NLRP12: variants seen among roughly 807,000 people sequenced by gnomAD.
The protein encoded by NLRP12 is NLR family pyrin domain containing 12.
NLRP12 carries 108 observed loss-of-function variants against 91.2 expected under a neutral mutation model. The observed-to-expected ratio is 1.18, with a 90% CI of 1.01 to 1.39. The LOEUF is 1.39. Among genes scored for constraint, NLRP12 ranks in the 40% most tolerant of loss-of-function variants. NLRP12 has a pLI of 0.00. For synonymous variants in NLRP12, 613 were observed against 566.7 expected (o/e 1.08, Z -1.16); for missense variants, 1,530 against 1,352.7 (o/e 1.13, Z -2.06).
chr19:53,798,184 G>A, intron 8 of NLRP12, 59 bp downstream of exon 8: 1 of 1,558,212 alleles, frequency 6.4e-7, no homozygotes. Flanking sequence ...TGAAGGATGA[G>A]AAGGCGCTTC....
At chr19:53,801,583 G>A (rs950285938) in intron 6 of NLRP12, among the ~76,000 whole-genome samples, 186 bp from the exon 7 acceptor site, 4 of 149,932 alleles carry the variant, frequency 2.7e-5, no homozygotes, top group African/African-American at 4.9e-5. Context: ...CTCCTGAATC[G>A]CTGGGACTAC....
intron 8 of NLRP12, among the ~76,000 whole-genome samples, 164 bp downstream of exon 8, chr19:53,798,079 A>G (rs967185132): frequency 2.6e-5 from 4 of 152,226 alleles, no homozygotes; most frequent in Non-Finnish European, 5.9e-5. Flanking sequence ...CCAAATCAGA[A>G]TAAGTTCAGA....
At chr19:53,815,090 C>T in intron 1 of NLRP12, 102 bp from the exon 2 acceptor site, 1 of 862,190 alleles carries the variant, frequency 1.2e-6, no homozygotes, top group South Asian at 1.3e-5. Context: ...ACTCCCTGGT[C>T]ACCCGCACCC....
At chr19:53,795,105 TGC>T (rs1491253691) in intron 9 of NLRP12, among the ~76,000 whole-genome samples, 7,872 of 65,902 alleles carry the variant, frequency 0.12, 298 homozygotes, top group South Asian at 0.29. Context: ...ACCTGGTGTG[TGC>T]GTGTGTGTGT....
At position 53,824,046 on chromosome 19, in the gene NLRP12, G is replaced by A. The variant is rs2092307507; in HGVS notation, c.129C>T (p.Ile43=). Residue 43 remains isoleucine (I), a synonymous_variant, in exon 1 of 10, where the codon ATC becomes ATT. Coordinates refer to ENST00000324134, the MANE Select transcript of NLRP12 (RefSeq NM_144687.4). ...GTATELGEGK[I]PWGSMEKAGP... ...CGGCCTTCTCCATGCTTCCCCAGGG[G>A]ATCTTGCCTTCTCCCAGCTCTGTCG... 1 of 1,614,046 alleles carries A rather than the reference G, an allele frequency of 6.2e-7. No individual in the cohort carries two copies.
In NLRP12 at chr19:53,824,052, G is replaced by A. The variant is rs1357909232; in HGVS notation, c.123C>T (p.Gly41=). 2.5e-6 allele frequency: 4 copies of A among 1,614,018 alleles called. No homozygotes were observed. The Admixed American group carries it at 6.7e-5, about 27-fold the overall frequency. Residue 41 remains glycine (G), a synonymous_variant, in exon 1 of 10, where the codon GGC becomes GGT. Coordinates refer to ENST00000324134, the MANE Select transcript of NLRP12 (RefSeq NM_144687.4). ...TCTCCATGCTTCCCCAGGGGATCTT[G>A]CCTTCTCCCAGCTCTGTCGCGGTCC... ...YLGTATELGE[G]KIPWGSMEKA... is the part of the protein sequence containing the mutation.
At position 53,809,289 on chromosome 19, in the gene NLRP12, T is replaced by G. The variant is rs191392992; in HGVS notation, c.2072+298A>C. Among the ~76,000 whole-genome samples the G allele has an allele frequency of 4.0e-4, 60 of 150,262 alleles. 1 individual carries two copies. The highest frequency in any genetic ancestry group is 1.4e-3 in the African/African-American group (57 of 40,942). Reference sequence around the variant, plus strand: ...GGCTCATGCCTGTAATCCCAGCACTTTGGGAGGCCAAGGCGGGCAGATCAC... The same window carrying G: ...GGCTCATGCCTGTAATCCCAGCACTGTGGGAGGCCAAGGCGGGCAGATCAC... On this transcript the variant is annotated intron_variant, in intron 3 of 9. Coordinates refer to ENST00000324134, the MANE Select transcript of NLRP12 (RefSeq NM_144687.4).
chr19:53,812,632 A>G (rs1345338779), intron 2 of NLRP12, among the ~76,000 whole-genome samples: 1 of 152,078 alleles, frequency 6.6e-6, no homozygotes, highest in Non-Finnish European at 1.5e-5. Context: ...AAATGCCAAC[A>G]GTGCCAATGT....
rs183188407 is a variant in NLRP12, at chr19:53,795,341, A to G, written c.3098+518T>C. On this transcript the variant is annotated intron_variant, in intron 9 of 9. Coordinates refer to ENST00000324134, the MANE Select transcript of NLRP12 (RefSeq NM_144687.4). ...TCGAATCACAGTGACCTCCAATGCA[A>G]TTGGTGAGCCACGATGGTCCCCTTC... 9.8e-4 allele frequency among the ~76,000 whole-genome samples: 148 copies of G among 151,790 alleles called. 1 individual carries two copies. Among genetic ancestry groups the G allele is most frequent in the Admixed American group, 2.4e-3 (37 of 15,130 alleles).
Position 53,819,715 on chromosome 19 carries a change from A to ATATG in NLRP12, c.289+4167_289+4170dup, listed in dbSNP as rs1340585879. 1.6e-4 allele frequency among the ~76,000 whole-genome samples: 23 copies of ATATG among 146,514 alleles called. 3 individuals carry two copies. Among genetic ancestry groups the ATATG allele is most frequent in the African/African-American group, 4.8e-4 (19 of 39,606 alleles). ...TATACACACACACACACGTATATAT[A>ATATG]TATGTATGTATGTATATTAAGACGG... On this transcript the variant is annotated intron_variant, in intron 1 of 9. Coordinates refer to ENST00000324134, the MANE Select transcript of NLRP12 (RefSeq NM_144687.4).
chr19:53,824,021 C>G lies in NLRP12; in HGVS notation c.154G>C (p.Gly52Arg), dbSNP rs369053968. The change falls in exon 1 of 10, where the codon GGT becomes CGT. Residue 52 changes from glycine to arginine, a missense_variant. Coordinates refer to ENST00000324134, the MANE Select transcript of NLRP12 (RefSeq NM_144687.4). ...AGCAGCTGGGCCATTTCCAGGGGAC[C>G]GGCCTTCTCCATGCTTCCCCAGGGG... is the stretch of plus-strand genomic sequence containing the variant. ...KIPWGSMEKA[G>R]PLEMAQLLIT... 1.2e-6 allele frequency: 2 copies of G among 1,614,182 alleles called. No individual in the cohort carries two copies. The highest frequency in any genetic ancestry group is 3.3e-5 in the Admixed American group (2 of 60,000).
intron 1 of NLRP12, among the ~76,000 whole-genome samples, chr19:53,822,440 C>T (rs984699273): frequency 6.6e-6 from 1 of 151,720 alleles, no homozygotes; most frequent in African/African-American, 2.4e-5. Flanking sequence ...AACATAAGGA[C>T]ACCTCATCTT....
At chr19:53,807,404 T>A (rs1057288534) in intron 4 of NLRP12, 91 bp downstream of exon 4, 10 of 1,323,094 alleles carry the variant, frequency 7.6e-6, no homozygotes, top group Middle Eastern at 4.8e-4. Context: ...AGCCAACGAA[T>A]ACACCATCCC....
Position 53,801,282 on chromosome 19 carries a change from C to A in NLRP12, c.2701G>T (p.Val901Leu). Residue 901 changes from valine to leucine, a missense_variant, in exon 7 of 10, where the codon GTG (valine) becomes TTG (leucine). By Grantham distance (32) the Val-to-Leu change is conservative. Transcript: ENST00000324134. The part of the protein sequence containing the change: ...LSLNELGDLG[V>L]LLLCEGLRHP... The stretch of plus-strand genomic sequence containing the variant: ...CTGAGGCCCTCACACAGCAGCAGCA[C>A]CCCGAGGTCCCCCAGCTCATTCAGG... 2.5e-6 allele frequency: 4 copies of A among 1,613,790 alleles called. No homozygotes were observed. Among genetic ancestry groups the A allele is most frequent in the Non-Finnish European group, 3.4e-6 (4 of 1,179,968 alleles).
chr19:53,811,570 ACTGG>A lies in NLRP12; in HGVS notation c.371-286_371-283del, dbSNP rs577461516. ...ATTTGTTTTGAGACTAGGTTATAAG[ACTGG>A]CTAATTTTTTTTTTTTTTAGATGGA... On this transcript the variant is annotated intron_variant, in intron 2 of 9. Transcript: ENST00000324134. Among the ~76,000 whole-genome samples the A allele has an allele frequency of 2.9e-3, 444 of 151,146 alleles. 2 individuals are homozygous for A. Among genetic ancestry groups the A allele is most frequent in the African/African-American group, 0.01 (418 of 41,260 alleles).
chr19:53,795,598 T>C (rs544586192), intron 9 of NLRP12, among the ~76,000 whole-genome samples: 2 of 151,158 alleles, frequency 1.3e-5, no homozygotes, highest in South Asian at 4.2e-4. Context: ...ATGGTCTCGA[T>C]CTCCTGACCT....
chr19:53,805,063 A>G (rs2091935905), intron 5 of NLRP12, among the ~76,000 whole-genome samples: 1 of 152,098 alleles, frequency 6.6e-6, no homozygotes. Flanking sequence ...GGATGGCCCC[A>G]GGGACTCTTC....
At chr19:53,819,497 GTATATATA>G (rs1255582263) in intron 1 of NLRP12, among the ~76,000 whole-genome samples, 2 of 10,052 alleles carry the variant, frequency 2.0e-4, no homozygotes, top group African/African-American at 3.2e-4. Context: ...ATACATATGT[GTATATATA>G]TGTATACATA....
intron 2 of NLRP12, among the ~76,000 whole-genome samples, chr19:53,812,831 G>A (rs571694065): frequency 2.2e-4 from 34 of 151,124 alleles, no homozygotes; most frequent in Admixed American, 1.8e-3. Flanking sequence ...ACTTTAAAGC[G>A]TACAACTCTG....
Sources: allele counts gnomAD v4.1 joint callset (sites outside exome capture counted in the v4.1 genomes callset), GRCh38; gene constraint gnomAD v4.1.1; transcripts MANE v1.5; gene names NCBI Gene and HGNC (gene_info 2026-07-23, HGNC 2026-07-21).